The following SPIDR variants were observed in gnomAD, a reference collection of about 807,000 sequenced individuals.
SPIDR encodes DNA repair-scaffolding protein.
In SPIDR, 93 loss-of-function variants were observed where a neutral mutation model predicts 104.6. The observed-to-expected ratio is 0.89, with a 90% CI of 0.75 to 1.06. The LOEUF is 1.06. Ranked by LOEUF, SPIDR falls within the 50% of genes least tolerant of loss-of-function variation. SPIDR has a pLI of 0.00. For missense variants in SPIDR, 1,154 were observed against 1,111.2 expected (o/e 1.04, Z -0.55); for synonymous variants, 431 against 416.9 (o/e 1.03, Z -0.41).
intron 8 of SPIDR, among the ~76,000 whole-genome samples, chr8:47,478,422 C>A (rs1554724895): frequency 6.6e-6 from 1 of 152,122 alleles, no homozygotes; most frequent in African/African-American, 2.4e-5. Flanking sequence ...GGCACCTTCA[C>A]AGAGACAGAA....
intron 7 of SPIDR, among the ~76,000 whole-genome samples, chr8:47,435,009 T>C (rs782365077): frequency 8.5e-5 from 13 of 152,074 alleles, no homozygotes; most frequent in Non-Finnish European, 1.8e-4. Context: ...AGGGTCTCAC[T>C]CTGTGAGTCA....
intron 11 of SPIDR, 86 bp downstream of exon 11, chr8:47,674,027 T>G: frequency 6.8e-7 from 1 of 1,475,656 alleles, no homozygotes; most frequent in Non-Finnish European, 9.0e-7. Context: ...ATTTTTAAAA[T>G]TAAAAGGCAA....
At chr8:47,555,238 C>G (rs2154399079) in intron 8 of SPIDR, among the ~76,000 whole-genome samples, 1 of 152,222 alleles carries the variant, frequency 6.6e-6, no homozygotes, top group South Asian at 2.1e-4. Flanking sequence ...AGAAATGAAT[C>G]CAGCCATGCC....
chr8:47,650,687 G>A (rs1349466613), intron 10 of SPIDR, among the ~76,000 whole-genome samples: 1 of 152,176 alleles, frequency 6.6e-6, no homozygotes, highest in Non-Finnish European at 1.5e-5. Context: ...GAGGTGTCAT[G>A]TTTCCTGACT....
chr8:47,379,687 G>A (rs1554644343), intron 5 of SPIDR, among the ~76,000 whole-genome samples: 1 of 152,206 alleles, frequency 6.6e-6, no homozygotes, highest in East Asian at 1.9e-4. Flanking sequence ...AGAGGGCACA[G>A]TGCACACAAG....
At chr8:47,538,159 A>C (rs1171458385) in intron 8 of SPIDR, among the ~76,000 whole-genome samples, 2 of 152,128 alleles carry the variant, frequency 1.3e-5, no homozygotes, top group African/African-American at 2.4e-5. Context: ...TGGGCAATAG[A>C]GCTAGACTCC....
chr8:47,571,045 C>T (rs1283252919), intron 8 of SPIDR, among the ~76,000 whole-genome samples: 1 of 151,608 alleles, frequency 6.6e-6, no homozygotes, highest in Non-Finnish European at 1.5e-5. Context: ...GAGCCGAGAT[C>T]GCACCACGGC....
At chr8:47,700,225 C>T (rs1343403712) in intron 11 of SPIDR, among the ~76,000 whole-genome samples, 178 bp from the exon 12 acceptor site, 1 of 152,142 alleles carries the variant, frequency 6.6e-6, no homozygotes, top group Non-Finnish European at 1.5e-5. Flanking sequence ...CAGTTGGTTT[C>T]CCACAGTGTC....
intron 8 of SPIDR, among the ~76,000 whole-genome samples, chr8:47,456,059 C>T (rs2072906735): frequency 6.6e-6 from 1 of 152,160 alleles, no homozygotes; most frequent in African/African-American, 2.4e-5. Flanking sequence ...TGAGTGCACG[C>T]ATTACATTGT....
chr8:47,300,334 TTC>T (rs2041821789), intron 5 of SPIDR, among the ~76,000 whole-genome samples: 1 of 152,348 alleles, frequency 6.6e-6, no homozygotes, highest in South Asian at 2.1e-4. Flanking sequence ...TATCTGATTC[TTC>T]TCTCTTTTCT....
intron 1 of SPIDR, among the ~76,000 whole-genome samples, chr8:47,263,642 G>T (rs1469473652): frequency 1.5e-4 from 23 of 151,870 alleles, no homozygotes; most frequent in Admixed American, 1.4e-3. Context: ...CATCCATTGA[G>T]GCCTACTTCA....
intron 7 of SPIDR, among the ~76,000 whole-genome samples, chr8:47,426,653 G>A (rs782199518): frequency 6.6e-6 from 1 of 152,202 alleles, no homozygotes; most frequent in Non-Finnish European, 1.5e-5. Context: ...CCACAGACTG[G>A]ATAATTGATA....
intron 8 of SPIDR, among the ~76,000 whole-genome samples, chr8:47,548,721 A>C (rs762717346): frequency 6.6e-5 from 10 of 152,186 alleles, no homozygotes; most frequent in Admixed American, 1.3e-4. Context: ...AGACAACTGG[A>C]AATATTCTTT....
At chr8:47,564,072 C>CTTTTTTTTTTTTTTTT (rs869220760) in intron 8 of SPIDR, among the ~76,000 whole-genome samples, 152 of 76,828 alleles carry the variant, frequency 2.0e-3, no homozygotes, top group Admixed American at 2.8e-3. Context: ...TTTTTCTTTT[C>CTTTTTTTTTTTTTTTT]TTTTTTTTTT....
intron 3 of SPIDR, among the ~76,000 whole-genome samples, chr8:47,284,312 C>G (rs1400981782): frequency 6.6e-6 from 1 of 152,174 alleles, no homozygotes; most frequent in Non-Finnish European, 1.5e-5. Flanking sequence ...CTACAGATAA[C>G]TAACATTTTT....
chr8:47,711,841 A>G (rs1444716018), intron 14 of SPIDR, among the ~76,000 whole-genome samples: 2 of 152,224 alleles, frequency 1.3e-5, no homozygotes, highest in African/African-American at 4.8e-5. Flanking sequence ...TACTTCCTGT[A>G]TATAATCAAC....
At chr8:47,427,062 A>G (rs2066526200) in intron 7 of SPIDR, among the ~76,000 whole-genome samples, 1 of 152,182 alleles carries the variant, frequency 6.6e-6, no homozygotes, top group African/African-American at 2.4e-5. Flanking sequence ...TCCTTGAATA[A>G]TATTGTATTT....
intron 8 of SPIDR, among the ~76,000 whole-genome samples, chr8:47,463,553 A>AT (rs1319191863): frequency 1.3e-5 from 2 of 152,162 alleles, no homozygotes; most frequent in Non-Finnish European, 2.9e-5. Flanking sequence ...TTAAAAAAAA[A>AT]ATAGACAAAG....
chr8:47,397,875 T>TG (rs1320250209), intron 6 of SPIDR, among the ~76,000 whole-genome samples: 1 of 151,964 alleles, frequency 6.6e-6, no homozygotes, highest in Non-Finnish European at 1.5e-5. Flanking sequence ...TTGAAAACAG[T>TG]GGGGGTCCGA....
Sources: allele counts gnomAD v4.1 joint callset (sites outside exome capture counted in the v4.1 genomes callset), GRCh38; gene constraint gnomAD v4.1.1; transcripts MANE v1.5; gene names NCBI Gene and HGNC (gene_info 2026-07-23, HGNC 2026-07-21).